PTPRE: variants seen among roughly 807,000 people sequenced by gnomAD.
PTPRE encodes the protein receptor-type tyrosine-protein phosphatase epsilon.
In PTPRE, 51 loss-of-function variants were observed where a neutral mutation model predicts 102.0. The ratio of observed to expected loss-of-function variants is 0.50; its 90% confidence interval spans 0.40 to 0.63. PTPRE has a LOEUF of 0.63. Among genes scored for constraint, PTPRE ranks in the 30% least tolerant of loss-of-function variants. PTPRE has a pLI of 0.00. For synonymous variants in PTPRE, 345 were observed against 348.2 expected, an observed-to-expected ratio of 0.99 and a Z score of 0.10; for missense variants, 752 against 915.1, an observed-to-expected ratio of 0.82 and a Z score of 2.30.
intron 1 of PTPRE, among the ~76,000 whole-genome samples, chr10:127,963,948 A>G (rs530952313): frequency 6.6e-6 from 1 of 152,306 alleles, no homozygotes; most frequent in South Asian, 2.1e-4. Flanking sequence ...TTTCTCCTTC[A>G]TGGAGAAGGA....
At chr10:128,060,812 T>G in intron 7 of PTPRE, 127 bp from the exon 8 acceptor site, 1 of 813,010 alleles carries the variant, frequency 1.2e-6, no homozygotes, top group Non-Finnish European at 2.1e-6. Flanking sequence ...GGTGTCGCTG[T>G]GAAGCTGCTT....
chr10:127,972,439 C>T (rs144166213), intron 1 of PTPRE, among the ~76,000 whole-genome samples: 107 of 152,322 alleles, frequency 7.0e-4, no homozygotes, highest in African/African-American at 2.4e-3. Flanking sequence ...TGTACAGTGT[C>T]TAGCACGTGC....
chr10:127,951,711 A>G (rs1849039589), intron 1 of PTPRE, among the ~76,000 whole-genome samples: 2 of 152,212 alleles, frequency 1.3e-5, no homozygotes, highest in African/African-American at 4.8e-5. Context: ...AATGGAAGCT[A>G]TTAGTGCTAT....
chr10:128,055,987 G>T, intron 6 of PTPRE, 136 bp from the exon 7 acceptor site: 1 of 682,816 alleles, frequency 1.5e-6, no homozygotes, highest in Non-Finnish European at 2.6e-6. Context: ...TGCAAGGTCT[G>T]AGGCAGAGAC....
Position 128,069,804 on chromosome 10 carries a change from C to G in PTPRE, c.1120C>G (p.Arg374Gly). 1 of 1,614,232 alleles carries G rather than the reference C, an allele frequency of 6.2e-7. No individual in the cohort carries two copies. The highest frequency in any genetic ancestry group is 8.5e-7 in the Non-Finnish European group (1 of 1,180,042). Reference sequence around the variant, plus strand: ...ATTTGTGTCTCGAATCCGTAATCAGCGCCCTCAGATGGTTCAAACGGATGT... The same window carrying G: ...ATTTGTGTCTCGAATCCGTAATCAGGGCCCTCAGATGGTTCAAACGGATGT... The part of the protein sequence containing the change: ...FEFVSRIRNQ[R>G]PQMVQTDMQY... The change falls in exon 13 of 21, where the codon CGC (arginine) becomes GGC (glycine). Residue 374 changes from arginine to glycine, a missense_variant. Transcript: ENST00000254667.
chr10:128,070,945 T>A lies in PTPRE; in HGVS notation c.1387+44T>A, dbSNP rs1377880440. On this transcript the variant is annotated intron_variant, in intron 15 of 20. Transcript: ENST00000254667. This position sits in a 1 kb window ranked among gnomAD's most constrained non-coding sequence, Gnocchi z 4.8. ...GGCTTGGGCAGGGCTGGGGCGGGGC[T>A]GGTGCCGGAGGCTTTCATCCTGGAG... 6.4e-6 allele frequency: 10 copies of A among 1,567,726 alleles called. No individual in the cohort carries two copies. The highest frequency in any genetic ancestry group is 8.8e-6 in the Non-Finnish European group (10 of 1,139,666).
intron 7 of PTPRE, among the ~76,000 whole-genome samples, chr10:128,057,301 G>A (rs1047734817): frequency 1.3e-5 from 2 of 151,976 alleles, no homozygotes; most frequent in African/African-American, 4.8e-5. Flanking sequence ...CCCATCATCT[G>A]CTTTGCCCAT....
rs1003445147 is a variant in PTPRE, at chr10:127,907,455, C to A, written c.-31+146C>A. ...CTCAGAGTCCGGACCCCGGCCCCGC[C>A]GCCCCCGCGGCGCGCCCAGTACCAG... On this transcript the variant is annotated intron_variant, in intron 1 of 20. Coordinates refer to ENST00000254667, the MANE Select transcript of PTPRE (RefSeq NM_006504.6). This position sits in a 1 kb window ranked among gnomAD's most constrained non-coding sequence, Gnocchi z 4.8. 13 of 539,720 alleles carry A rather than the reference C, an allele frequency of 2.4e-5. No homozygotes were observed. In the African/African-American group the frequency reaches 2.7e-4, roughly 11 times the overall value. The allele number at this position is 539,720 out of a possible 1,614,324, so 33.4% of individuals were successfully genotyped here.
intron 1 of PTPRE, among the ~76,000 whole-genome samples, chr10:127,978,097 G>A (rs989645793): frequency 1.3e-4 from 20 of 152,262 alleles, no homozygotes; most frequent in Middle Eastern, 6.8e-3. Context: ...CTCTAGGACA[G>A]GAAAATATTT....
At chr10:127,965,590 T>C (rs934812843) in intron 1 of PTPRE, among the ~76,000 whole-genome samples, 1 of 152,242 alleles carries the variant, frequency 6.6e-6, no homozygotes, top group African/African-American at 2.4e-5. Context: ...AACATAAACA[T>C]ATAAATTATC....
intron 20 of PTPRE, among the ~76,000 whole-genome samples, chr10:128,080,182 A>G (rs564369652): frequency 4.2e-4 from 64 of 152,296 alleles, no homozygotes; most frequent in African/African-American, 1.5e-3. Context: ...ATGTATTAGT[A>G]GTTTTCCCCG....
chr10:127,971,804 C>T (rs539751936), intron 1 of PTPRE, among the ~76,000 whole-genome samples: 12 of 152,312 alleles, frequency 7.9e-5, no homozygotes, highest in African/African-American at 2.2e-4. Flanking sequence ...TCCCTCAGGC[C>T]GGTCAGATGT....
intron 3 of PTPRE, 38 bp downstream of exon 3, chr10:128,041,028 T>A: frequency 6.4e-7 from 1 of 1,556,868 alleles, no homozygotes; most frequent in Non-Finnish European, 8.8e-7. Flanking sequence ...CCCTACTACC[T>A]CCTCCTAAGC....
At chr10:128,076,420 G>A (rs187873358) in intron 17 of PTPRE, among the ~76,000 whole-genome samples, 183 bp from the exon 18 acceptor site, 1 of 151,662 alleles carries the variant, frequency 6.6e-6, no homozygotes, top group East Asian at 1.9e-4. Flanking sequence ...TCTGTTTCTA[G>A]ACTCTGTTCT....
At chr10:128,063,266 ACTTCC>A in intron 10 of PTPRE, 86 bp downstream of exon 10, 1 of 1,549,050 alleles carries the variant, frequency 6.5e-7, no homozygotes, top group Non-Finnish European at 8.8e-7. Flanking sequence ...TCCTTTTCCT[ACTTCC>A]CTCCCTTCCT....
chr10:128,072,061 C>T, intron 15 of PTPRE, 77 bp from the exon 16 acceptor site: 1 of 1,242,994 alleles, frequency 8.0e-7, no homozygotes, highest in Non-Finnish European at 1.1e-6. Flanking sequence ...CTATATTTTG[C>T]AAGCTTGTAG....
intron 1 of PTPRE, among the ~76,000 whole-genome samples, chr10:127,939,329 G>C (rs1309147093): frequency 6.6e-6 from 1 of 152,210 alleles, no homozygotes; most frequent in Non-Finnish European, 1.5e-5. Flanking sequence ...CCGTTCTGCT[G>C]TAGCAAACTT....
intron 19 of PTPRE, 34 bp from the exon 20 acceptor site, chr10:128,079,526 C>T (rs549223859): frequency 1.5e-5 from 24 of 1,603,692 alleles, no homozygotes; most frequent in Non-Finnish European, 1.8e-5. Context: ...AAGTGCAAGT[C>T]GGATGATCTG....
chr10:127,907,277 C>G lies in PTPRE; in HGVS notation c.-63C>G. The G allele has an allele frequency of 2.0e-6, 2 of 984,692 alleles. No homozygotes were observed. The highest frequency in any genetic ancestry group is 2.4e-6 in the Non-Finnish European group (2 of 829,702). 61.0% of individuals were successfully genotyped at this position (984,692 alleles called of 1,614,324 possible). ...GGGAGATGCGGAGCCTCCGCTGCAG[C>G]GCGATCTGCGCGACCAGACCGGCCC... On this transcript the variant is annotated 5_prime_UTR_variant, in exon 1 of 21. Coordinates refer to ENST00000254667, the MANE Select transcript of PTPRE (RefSeq NM_006504.6). The surrounding 1 kb of genome is among the most constrained non-coding windows in gnomAD (Gnocchi z 4.8).
Sources: gnomAD v4.1 joint callset for allele counts (sites outside exome capture counted in the v4.1 genomes callset) on GRCh38, gnomAD v4.1.1 for gene constraint, Gnocchi (gnomAD v3.1) non-coding constraint, MANE v1.5 for transcripts, NCBI Gene and HGNC (gene_info 2026-07-23, HGNC 2026-07-21) for gene names.